The following NEK10 variants were observed in gnomAD, a reference collection of about 807,000 sequenced individuals.
NEK10 encodes the protein NIMA related kinase 10.
Under a neutral mutation model 159.8 loss-of-function variants are expected in NEK10, and 122 were observed. That is an observed-to-expected ratio of 0.76 (90% CI 0.66 to 0.89). The LOEUF (loss-of-function observed/expected upper bound fraction) is 0.89, where lower values mean the gene tolerates loss of function less well. Ranked by LOEUF, NEK10 falls within the 40% of genes least tolerant of loss-of-function variation. The pLI is 0.00. For missense variants in NEK10, 1,342 were observed against 1,323.1 expected (o/e 1.01, Z -0.22); for synonymous variants, 466 against 457.1 (o/e 1.02, Z -0.25).
intron 22 of NEK10, among the ~76,000 whole-genome samples, chr3:27,278,339 T>C (rs758097973): frequency 1.3e-5 from 2 of 152,214 alleles, no homozygotes; most frequent in African/African-American, 4.8e-5. Flanking sequence ...CTGTGCTCAC[T>C]TGTAGGATGT....
At chr3:27,160,371 T>C (rs907707875) in intron 30 of NEK10, among the ~76,000 whole-genome samples, 1 of 152,236 alleles carries the variant, frequency 6.6e-6, no homozygotes, top group Non-Finnish European at 1.5e-5. Flanking sequence ...TGGCACCAGC[T>C]GTTTATAATT....
At chr3:27,319,104 T>C (rs903558370) in intron 6 of NEK10, among the ~76,000 whole-genome samples, 5 of 152,202 alleles carry the variant, frequency 3.3e-5, no homozygotes, top group Admixed American at 6.5e-5. Context: ...GAGAGAAGTC[T>C]ACTCAATCGC....
chr3:27,350,073 T>C (rs1456774178), intron 3 of NEK10, among the ~76,000 whole-genome samples: 1 of 152,214 alleles, frequency 6.6e-6, no homozygotes, highest in African/African-American at 2.4e-5. Context: ...AGATTTCCTC[T>C]GTAACCTGAA....
chr3:27,310,590 T>C (rs2044612976), intron 9 of NEK10: 1 of 168,484 alleles, frequency 5.9e-6, no homozygotes, highest in Non-Finnish European at 1.3e-5. Context: ...GGAATTTATA[T>C]GTATACATAT....
chr3:27,251,699 G>A (rs1041271520), intron 23 of NEK10, among the ~76,000 whole-genome samples: 3 of 152,100 alleles, frequency 2.0e-5, no homozygotes, highest in African/African-American at 2.4e-5. Flanking sequence ...ATCCAAGAAC[G>A]ATCTAACACA....
At chr3:27,323,728 T>C (rs1283271917) in intron 5 of NEK10, among the ~76,000 whole-genome samples, 1 of 152,238 alleles carries the variant, frequency 6.6e-6, no homozygotes, top group Admixed American at 6.5e-5. Flanking sequence ...ATGCTACAAG[T>C]ATTCACTCAA....
At chr3:27,160,604 G>A (rs1173440608) in intron 30 of NEK10, among the ~76,000 whole-genome samples, 1 of 152,080 alleles carries the variant, frequency 6.6e-6, no homozygotes, top group African/African-American at 2.4e-5. Context: ...ACAAAATCTA[G>A]CACTCACTGA....
At chr3:27,228,606 A>G (rs1952884656) in intron 23 of NEK10, among the ~76,000 whole-genome samples, 2 of 152,162 alleles carry the variant, frequency 1.3e-5, no homozygotes, top group Non-Finnish European at 2.9e-5. Context: ...AGCTAGTGGG[A>G]GCAGGTTGTT....
At chr3:27,225,214 C>T (rs2004005) in intron 23 of NEK10, among the ~76,000 whole-genome samples, 97,040 of 151,974 alleles carry the variant, frequency 0.64, 33,239 homozygotes, top group African/African-American at 0.91. Flanking sequence ...TCTTTCCACA[C>T]TTTTCTGCCT....
chr3:27,305,101 AT>A (rs1202171249), intron 11 of NEK10, 130 bp from the exon 12 acceptor site: 4 of 641,806 alleles, frequency 6.2e-6, no homozygotes, highest in Non-Finnish European at 1.1e-5. Flanking sequence ...TCAATGTGCC[AT>A]TTTCTGTAAG....
chr3:27,274,867 C>G (rs2041653548), intron 22 of NEK10, among the ~76,000 whole-genome samples: 1 of 152,064 alleles, frequency 6.6e-6, no homozygotes, highest in Non-Finnish European at 1.5e-5. Context: ...CACTATGTTT[C>G]TTCAGAAAAC....
At chr3:27,145,042 G>A (rs769900702) in intron 30 of NEK10, among the ~76,000 whole-genome samples, 3 of 151,580 alleles carry the variant, frequency 2.0e-5, no homozygotes, top group Non-Finnish European at 2.9e-5. Flanking sequence ...GCAAATGTTA[G>A]CCATAACATT....
intron 6 of NEK10, among the ~76,000 whole-genome samples, chr3:27,317,935 T>C (rs1178701493): frequency 6.6e-6 from 1 of 152,160 alleles, no homozygotes. Flanking sequence ...CCCCAGTGGC[T>C]GGGACTACAG....
intron 30 of NEK10, among the ~76,000 whole-genome samples, chr3:27,148,128 C>A (rs1944485455): frequency 6.6e-6 from 1 of 152,100 alleles, no homozygotes; most frequent in Non-Finnish European, 1.5e-5. Context: ...GAACAAGGTT[C>A]CAGCTATAGT....
At chr3:27,359,085 CCAGTTACT>C (rs2048507504) in intron 1 of NEK10, among the ~76,000 whole-genome samples, 1 of 151,734 alleles carries the variant, frequency 6.6e-6, no homozygotes, top group Admixed American at 6.6e-5. Context: ...GCCTGTAGTC[CCAGTTACT>C]CAGGAGGCTG....
chr3:27,306,344 C>T (rs1435023991), intron 11 of NEK10, among the ~76,000 whole-genome samples: 3 of 152,178 alleles, frequency 2.0e-5, no homozygotes. Context: ...TCTCATACGG[C>T]TTTCTCATTC....
intron 22 of NEK10, among the ~76,000 whole-genome samples, chr3:27,281,503 AG>A (rs1301567575): frequency 6.6e-6 from 1 of 152,102 alleles, no homozygotes; most frequent in African/African-American, 2.4e-5. Flanking sequence ...CCAGAAGACT[AG>A]AGAAATGCCT....
At chr3:27,366,389 C>T (rs985862061) in intron 1 of NEK10, among the ~76,000 whole-genome samples, 1 of 152,126 alleles carries the variant, frequency 6.6e-6, no homozygotes, top group Admixed American at 6.5e-5. Context: ...TGCTGAAGGC[C>T]CAGGTGTTCA....
chr3:27,176,253 G>A (rs1210223292), intron 26 of NEK10, among the ~76,000 whole-genome samples: 1 of 152,118 alleles, frequency 6.6e-6, no homozygotes, highest in Non-Finnish European at 1.5e-5. Context: ...CAAGCTCCTT[G>A]TTTTGTTGAA....
Sources: gnomAD v4.1 joint callset for allele counts (sites outside exome capture counted in the v4.1 genomes callset) on GRCh38, gnomAD v4.1.1 for gene constraint, MANE v1.5 for transcripts, NCBI Gene and HGNC (gene_info 2026-07-23, HGNC 2026-07-21) for gene names.